CSMD1: variants seen among roughly 807,000 people sequenced by gnomAD.
The protein encoded by CSMD1 is CUB and Sushi multiple domains 1.
A neutral mutation model predicts 417.5 loss-of-function variants in CSMD1; 213 were observed. That is an observed-to-expected ratio of 0.51 (90% confidence interval 0.46 to 0.57). The LOEUF is 0.57. Among genes scored for constraint, CSMD1 ranks in the 20% least tolerant of loss-of-function variants. The pLI, the probability that CSMD1 is intolerant of heterozygous loss-of-function variation, is 0.00. For synonymous variants in CSMD1, 2,862 were observed against 1,736.8 expected (o/e 1.65, Z -16.11); for missense variants, 6,923 against 4,529.7 (o/e 1.53, Z -15.17).
intron 5 of CSMD1, among the ~76,000 whole-genome samples, chr8:3,867,173 C>G (rs17067807): frequency 0.079 from 12,038 of 152,018 alleles, 537 homozygotes; most frequent in South Asian, 0.15. Flanking sequence ...GTTCACTGGT[C>G]TTTGGTCTTG....
chr8:4,058,446 G>A (rs893969793), intron 3 of CSMD1, among the ~76,000 whole-genome samples: 9 of 152,052 alleles, frequency 5.9e-5, no homozygotes, highest in African/African-American at 2.2e-4. Flanking sequence ...TGGGACAATG[G>A]GGTTTTCCAG....
intron 49 of CSMD1, among the ~76,000 whole-genome samples, chr8:3,076,953 C>T (rs548756095): frequency 2.0e-5 from 3 of 152,210 alleles, no homozygotes; most frequent in Admixed American, 6.5e-5. Flanking sequence ...ACCTGAGTAG[C>T]GAACATTGTA....
chr8:3,300,509 G>A (rs1274517139), intron 25 of CSMD1, among the ~76,000 whole-genome samples: 4 of 152,084 alleles, frequency 2.6e-5, no homozygotes, highest in African/African-American at 7.2e-5. Context: ...GACTGACTCT[G>A]CTTTATAGAA....
At chr8:4,220,162 G>A (rs1477362204) in intron 3 of CSMD1, among the ~76,000 whole-genome samples, 1 of 152,102 alleles carries the variant, frequency 6.6e-6, no homozygotes, top group African/African-American at 2.4e-5. Flanking sequence ...TGTCGGCCAA[G>A]CTCGTCTTGA....
At chr8:4,179,936 T>C (rs1798261644) in intron 3 of CSMD1, among the ~76,000 whole-genome samples, 2 of 152,080 alleles carry the variant, frequency 1.3e-5, no homozygotes, top group African/African-American at 4.8e-5. Context: ...CAAAAGGTGC[T>C]GGAGAGGATG....
At chr8:4,101,787 G>A (rs1440889096) in intron 3 of CSMD1, among the ~76,000 whole-genome samples, 2 of 152,216 alleles carry the variant, frequency 1.3e-5, no homozygotes, top group African/African-American at 4.8e-5. Flanking sequence ...GCTGGGTACA[G>A]AAGTCTGTGA....
intron 11 of CSMD1, among the ~76,000 whole-genome samples, chr8:3,479,363 C>T (rs1033216622): frequency 1.3e-5 from 2 of 152,194 alleles, no homozygotes; most frequent in Admixed American, 6.5e-5. Context: ...TCACCGCAAC[C>T]TCCGCCTCCT....
At chr8:4,574,275 G>A (rs1799031801) in intron 2 of CSMD1, among the ~76,000 whole-genome samples, 1 of 152,128 alleles carries the variant, frequency 6.6e-6, no homozygotes, top group Non-Finnish European at 1.5e-5. Context: ...GGAATTTCCT[G>A]GTTTGTTGGA....
At chr8:4,692,763 G>C (rs1048338535) in intron 1 of CSMD1, among the ~76,000 whole-genome samples, 3 of 152,200 alleles carry the variant, frequency 2.0e-5, no homozygotes, top group East Asian at 1.9e-4. Flanking sequence ...CCTAATTCTA[G>C]TTCCTATTGT....
chr8:3,227,265 G>C (rs1051619683), intron 27 of CSMD1, among the ~76,000 whole-genome samples: 2 of 152,044 alleles, frequency 1.3e-5, no homozygotes, highest in African/African-American at 4.8e-5. Context: ...GCCGGGCTTG[G>C]TGGTGGGCGC....
chr8:3,687,460 G>A (rs1799998292), intron 7 of CSMD1, among the ~76,000 whole-genome samples: 1 of 152,178 alleles, frequency 6.6e-6, no homozygotes, highest in Non-Finnish European at 1.5e-5. Context: ...AGCCTTTATT[G>A]AGAAAGCAAT....
intron 3 of CSMD1, among the ~76,000 whole-genome samples, chr8:4,273,640 C>T (rs1804740631): frequency 6.6e-6 from 1 of 152,078 alleles, no homozygotes. Flanking sequence ...TATCTAGAAA[C>T]TCTAATAGAG....
chr8:3,100,462 G>A (rs1421324018), intron 46 of CSMD1, among the ~76,000 whole-genome samples: 1 of 152,230 alleles, frequency 6.6e-6, no homozygotes, highest in Non-Finnish European at 1.5e-5. Flanking sequence ...GTTGGAGTGG[G>A]AGAGCTGAAA....
intron 26 of CSMD1, among the ~76,000 whole-genome samples, chr8:3,275,963 T>C (rs895119548): frequency 6.6e-6 from 1 of 152,248 alleles, no homozygotes; most frequent in Non-Finnish European, 1.5e-5. Context: ...TTTGTTCCGT[T>C]GCTGGTGAGG....
chr8:3,399,610 T>C (rs2116868531), intron 15 of CSMD1, 81 bp from the exon 16 acceptor site: 1 of 1,079,008 alleles, frequency 9.3e-7, no homozygotes, highest in South Asian at 2.1e-5. Context: ...AAAGCCAGAA[T>C]CTGCTTCTGT....
intron 26 of CSMD1, among the ~76,000 whole-genome samples, chr8:3,282,627 C>G (rs1309046695): frequency 6.6e-6 from 1 of 152,088 alleles, no homozygotes; most frequent in Non-Finnish European, 1.5e-5. Context: ...CTCTTACTTT[C>G]ATATTTTTTG....
chr8:4,008,838 C>A (rs935977972), intron 4 of CSMD1, among the ~76,000 whole-genome samples: 2 of 151,914 alleles, frequency 1.3e-5, no homozygotes, highest in Admixed American at 6.6e-5. Flanking sequence ...TCTCGATCTC[C>A]TGACCTCCTG....
At chr8:3,752,692 A>AAAAAAC (rs1797413220) in intron 6 of CSMD1, among the ~76,000 whole-genome samples, 1 of 66,372 alleles carries the variant, frequency 1.5e-5, no homozygotes, top group African/African-American at 4.4e-5. Context: ...AAAAAAAAAA[A>AAAAAAC]AAAAAAAAAA....
chr8:4,955,160 T>C (rs1332018356), intron 1 of CSMD1, among the ~76,000 whole-genome samples: 1 of 152,134 alleles, frequency 6.6e-6, no homozygotes, highest in African/African-American at 2.4e-5. Context: ...TCAGAAACCC[T>C]CTGAGTGCAG....
Sources: gnomAD v4.1 joint callset for allele counts (sites outside exome capture counted in the v4.1 genomes callset) on GRCh38, gnomAD v4.1.1 for gene constraint, MANE v1.5 for transcripts, NCBI Gene and HGNC (gene_info 2026-07-23, HGNC 2026-07-21) for gene names.